The following TPCN2 variants were observed in gnomAD, a reference collection of about 807,000 sequenced individuals.
TPCN2 encodes the protein two pore segment channel 2, also known as two pore channel protein 2.
TPCN2 carries 92 observed loss-of-function variants against 111.4 expected under a neutral mutation model. That is an observed-to-expected ratio of 0.83 (90% confidence interval 0.70 to 0.98). The LOEUF is 0.98. TPCN2 is among the 50% of genes least tolerant of loss of function. TPCN2 has a pLI of 0.00. For missense variants in TPCN2, 995 were observed against 980.1 expected, an observed-to-expected ratio of 1.02 and a Z score of -0.20; for synonymous variants, 405 against 414.5, an observed-to-expected ratio of 0.98 and a Z score of 0.28.
intron 1 of TPCN2, 70 bp downstream of exon 1, chr11:69,049,176 C>T: frequency 1.0e-6 from 1 of 1,004,612 alleles, no homozygotes; most frequent in Non-Finnish European, 1.3e-6. Context: ...TCCCGCTGTC[C>T]CAGCACCCCG....
intron 5 of TPCN2, among the ~76,000 whole-genome samples, chr11:69,061,655 T>C (rs1293275897): frequency 2.0e-5 from 3 of 151,258 alleles, no homozygotes; most frequent in Non-Finnish European, 4.4e-5. Flanking sequence ...GATGGGAAGG[T>C]GCTCATGGGG....
At position 69,083,926 on chromosome 11, in the gene TPCN2, G is replaced by A. The variant is rs745567342; in HGVS notation, c.1690-19G>A. On this transcript the variant is annotated intron_variant, in intron 18 of 24. Transcript: ENST00000294309. ...TGGGGCCAGGAGGAGTAAGGGCTGT[G>A]CTCTCTTCCTGTCCTCAGCTGATGG... The A allele has an allele frequency of 6.2e-7, 1 of 1,612,792 alleles. No individual in the cohort carries two copies. Among genetic ancestry groups the A allele is most frequent in the East Asian group, 2.2e-5 (1 of 44,866 alleles).
In TPCN2 at chr11:69,060,113, A is replaced by G. The variant is rs374381427; in HGVS notation, c.546+2419A>G. On this transcript the variant is annotated intron_variant, in intron 5 of 24. Coordinates refer to ENST00000294309, the MANE Select transcript of TPCN2 (RefSeq NM_139075.4). Reference sequence around the variant, plus strand: ...AAAGCTCGTTCAGAGCAGCTGGTCCACATACTTCCTCCCAGACCTCGTGCC... The same window carrying G: ...AAAGCTCGTTCAGAGCAGCTGGTCCGCATACTTCCTCCCAGACCTCGTGCC... Among the ~76,000 whole-genome samples the G allele has an allele frequency of 5.1e-4, 77 of 152,314 alleles. No homozygotes were observed. In the East Asian group the frequency reaches 0.014, roughly 27 times the overall value.
chr11:69,087,979 G>A lies in TPCN2; in HGVS notation c.*26G>A, dbSNP rs1208801442. ...CGTCCGGGCTGCCGTCCCAGCAGGG[G>A]CGGCAGGAGAGAGAGGCTGGCCTAC... On this transcript the variant is annotated 3_prime_UTR_variant, in exon 25 of 25. Transcript: ENST00000294309. 8.2e-6 allele frequency: 13 copies of A among 1,588,186 alleles called. No homozygotes were observed. The highest frequency in any genetic ancestry group is 1.3e-5 in the African/African-American group (1 of 74,622).
At chr11:69,070,636 A>C (rs1210923232) in intron 9 of TPCN2, 141 bp downstream of exon 9, 22 of 632,464 alleles carry the variant, frequency 3.5e-5, no homozygotes, top group Non-Finnish European at 5.3e-5. Context: ...CCCTGCCAAC[A>C]GCTTTTAACC....
Position 69,088,792 on chromosome 11 carries a change from G to A in TPCN2, c.*839G>A, listed in dbSNP as rs1312259245. The A allele has an allele frequency of 1.3e-5, 2 of 152,184 alleles. No homozygotes were observed. The highest frequency in any genetic ancestry group is 2.9e-5 in the Non-Finnish European group (2 of 68,042). 9.4% of individuals were successfully genotyped at this position (152,184 alleles called of 1,614,324 possible). On this transcript the variant is annotated 3_prime_UTR_variant, in exon 25 of 25. Transcript: ENST00000294309. Reference sequence around the variant, plus strand: ...GTGGAAAGCCTTGTTGTCACCTGAAGCACGCCAGGTCCAGATTGACCAATG... The same window carrying A: ...GTGGAAAGCCTTGTTGTCACCTGAAACACGCCAGGTCCAGATTGACCAATG...
chr11:69,071,939 C>G lies in TPCN2; in HGVS notation c.977C>G (p.Ser326Trp), dbSNP rs371844375. 6.2e-7 allele frequency: 1 copy of G among 1,613,956 alleles called. No homozygotes were observed. Among genetic ancestry groups the G allele is most frequent in the Non-Finnish European group, 8.5e-7 (1 of 1,179,964 alleles). The change falls in exon 11 of 25, where the codon TCG (serine) becomes TGG (tryptophan). Residue 326 changes from serine (S) to tryptophan (W), a missense_variant. Physicochemically the swap from Ser to Trp is radical, Grantham distance 177. Transcript: ENST00000294309. ...RGYLMKSLQT[S>W]LFRRRLGTRA... ...TCTTTGCAGAAATCTCTCCAGACCT[C>G]GCTGTTTCGGAGGCGGCTGGGAACC...
At chr11:69,063,658 T>A (rs892150022) in intron 6 of TPCN2, among the ~76,000 whole-genome samples, 1 of 151,734 alleles carries the variant, frequency 6.6e-6, no homozygotes, top group Non-Finnish European at 1.5e-5. Context: ...GCCCCCAGGG[T>A]TTCATTTGTC....
At chr11:69,072,500 G>A in intron 11 of TPCN2, 127 bp from the exon 12 acceptor site, 1 of 854,390 alleles carries the variant, frequency 1.2e-6, no homozygotes. Flanking sequence ...GGCTCTTGGT[G>A]TGGCTCAAGC....
chr11:69,073,448 T>C (rs4930260), intron 13 of TPCN2, among the ~76,000 whole-genome samples: 70,887 of 152,108 alleles, frequency 0.47, 16,950 homozygotes, highest in South Asian at 0.67. Context: ...GCCCAGGTGC[T>C]CACAGGCAGT....
rs374995591 is a variant in TPCN2 at position 69,063,911 on chromosome 11, G to T, written c.670G>T (p.Ala224Ser). Residue 224 changes from alanine to serine, a missense_variant, in exon 7 of 25, where the codon GCC becomes TCC. Physicochemically the swap from Ala to Ser is moderately conservative, Grantham distance 99. Coordinates refer to ENST00000294309, the MANE Select transcript of TPCN2 (RefSeq NM_139075.4). Reference protein sequence around the residue: ...PEMASVGLLLAIHLCLFTMFG... With the variant: ...PEMASVGLLLSIHLCLFTMFG... ...CTCCCCCAGCGTCGGGCTGCTGCTG[G>T]CCATCCACCTGTGCCTCTTCACCAT... 365 of 1,613,886 alleles carry T rather than the reference G, an allele frequency of 2.3e-4. No homozygotes were observed. The highest frequency in any genetic ancestry group is 3.0e-4 in the Non-Finnish European group (350 of 1,179,978).
At chr11:69,056,515 G>A (rs1419526456) in intron 4 of TPCN2, among the ~76,000 whole-genome samples, 1 of 152,232 alleles carries the variant, frequency 6.6e-6, no homozygotes, top group East Asian at 1.9e-4. Flanking sequence ...TGTGACCTCT[G>A]GGGGCTGTCT....
chr11:69,054,350 G>T, intron 2 of TPCN2: 1 of 574,702 alleles, frequency 1.7e-6, no homozygotes, highest in Non-Finnish European at 3.1e-6. Flanking sequence ...TCTAGGTCCC[G>T]GGTGGGTGGG....
chr11:69,062,741 C>T (rs1043967675), intron 5 of TPCN2, 143 bp from the exon 6 acceptor site: 2 of 737,512 alleles, frequency 2.7e-6, no homozygotes, highest in African/African-American at 1.8e-5. Flanking sequence ...AGCTCTGGAG[C>T]CAGGCCCTCC....
intron 1 of TPCN2, among the ~76,000 whole-genome samples, chr11:69,052,788 T>C (rs113714205): frequency 0.074 from 11,279 of 152,224 alleles, 1,443 homozygotes; most frequent in African/African-American, 0.26. Flanking sequence ...CAGCACCTCC[T>C]GAGGCCTCTG....
chr11:69,083,417 G>T (rs550539758), intron 18 of TPCN2, among the ~76,000 whole-genome samples: 12 of 152,374 alleles, frequency 7.9e-5, no homozygotes, highest in Non-Finnish European at 1.5e-4. Context: ...CGGCTAGGCT[G>T]TGATGAGGAG....
intron 7 of TPCN2, among the ~76,000 whole-genome samples, chr11:69,064,736 G>A (rs1855188101): frequency 6.6e-6 from 1 of 152,248 alleles, no homozygotes; most frequent in African/African-American, 2.4e-5. Context: ...TTGTCCAGAA[G>A]GGGAAGGCTG....
chr11:69,051,856 G>A (rs563672143), intron 1 of TPCN2, among the ~76,000 whole-genome samples: 26 of 152,190 alleles, frequency 1.7e-4, no homozygotes, highest in African/African-American at 5.5e-4. Flanking sequence ...AGCCCAGTTC[G>A]GAATGAGTGG....
chr11:69,058,442 C>T (rs1445520895), intron 5 of TPCN2, among the ~76,000 whole-genome samples: 1 of 152,024 alleles, frequency 6.6e-6, no homozygotes, highest in Admixed American at 6.5e-5. Context: ...GGGTTCTTGC[C>T]CTCTGTCCTC....
Sources: gnomAD v4.1 joint callset for allele counts (sites outside exome capture counted in the v4.1 genomes callset) on GRCh38, gnomAD v4.1.1 for gene constraint, MANE v1.5 for transcripts, NCBI Gene and HGNC (gene_info 2026-07-23, HGNC 2026-07-21) for gene names.